The following CNTNAP5 variants were observed in gnomAD, a reference collection of about 807,000 sequenced individuals.
CNTNAP5 encodes the protein contactin associated protein family member 5, also known as contactin-associated protein-like 5.
In CNTNAP5, 72 loss-of-function variants were observed where a neutral mutation model predicts 150.2. The ratio of observed to expected loss-of-function variants is 0.48; its 90% CI spans 0.40 to 0.58. The LOEUF (loss-of-function observed/expected upper bound fraction) is 0.58. Ranked by LOEUF, CNTNAP5 falls within the 20% of genes least tolerant of loss-of-function variation. The pLI is 0.00. For missense variants in CNTNAP5, 1,636 were observed against 1,626.2 expected (o/e 1.01, Z -0.10); for synonymous variants, 672 against 619.8 (o/e 1.08, Z -1.25).
chr2:124,629,313 A>G (rs903102281), intron 12 of CNTNAP5, among the ~76,000 whole-genome samples: 7 of 152,220 alleles, frequency 4.6e-5, no homozygotes, highest in Non-Finnish European at 7.3e-5. Context: ...AACTGAAAGT[A>G]AAACACTCCT....
intron 19 of CNTNAP5, among the ~76,000 whole-genome samples, chr2:124,839,448 C>G (rs534792407): frequency 6.7e-6 from 1 of 149,122 alleles, no homozygotes; most frequent in African/African-American, 2.5e-5. Flanking sequence ...TCTCTCTCTC[C>G]CTTTCCCCCT....
chr2:124,732,913 A>G (rs1315258737), intron 13 of CNTNAP5, among the ~76,000 whole-genome samples: 2 of 152,196 alleles, frequency 1.3e-5, no homozygotes, highest in East Asian at 3.9e-4. Context: ...CACTTTGATT[A>G]AAAGACTCAG....
chr2:124,588,629 A>G (rs1323563373), intron 11 of CNTNAP5, among the ~76,000 whole-genome samples: 1 of 152,078 alleles, frequency 6.6e-6, no homozygotes, highest in Non-Finnish European at 1.5e-5. Context: ...TTAAATATAA[A>G]CCTTATTATT....
At chr2:124,152,335 A>G (rs1391465619) in intron 1 of CNTNAP5, among the ~76,000 whole-genome samples, 1 of 152,188 alleles carries the variant, frequency 6.6e-6, no homozygotes, top group Non-Finnish European at 1.5e-5. Flanking sequence ...TCCACGTCCC[A>G]TTGAATTTCT....
intron 1 of CNTNAP5, among the ~76,000 whole-genome samples, chr2:124,157,354 CT>C (rs1199522617): frequency 6.6e-6 from 1 of 152,142 alleles, no homozygotes; most frequent in East Asian, 1.9e-4. Flanking sequence ...AACACCTGTT[CT>C]TTTGGCATTG....
At chr2:124,408,239 AC>A (rs1217091255) in intron 3 of CNTNAP5, among the ~76,000 whole-genome samples, 11 of 152,176 alleles carry the variant, frequency 7.2e-5, no homozygotes, top group African/African-American at 2.7e-4. Flanking sequence ...TCCTACGCCC[AC>A]GGAGTCTCGC....
At chr2:124,082,924 G>T (rs1268137833) in intron 1 of CNTNAP5, among the ~76,000 whole-genome samples, 2 of 152,048 alleles carry the variant, frequency 1.3e-5, no homozygotes, top group Non-Finnish European at 2.9e-5. Context: ...GTGTTTATTT[G>T]CCATCTGAAT....
chr2:124,303,632 TA>T (rs1272436373), intron 3 of CNTNAP5, among the ~76,000 whole-genome samples: 2 of 152,190 alleles, frequency 1.3e-5, no homozygotes, highest in Non-Finnish European at 2.9e-5. Flanking sequence ...ATAGATTATC[TA>T]AAAGAGTAAA....
chr2:124,805,968 G>C (rs1171697623), intron 19 of CNTNAP5, among the ~76,000 whole-genome samples: 1 of 152,162 alleles, frequency 6.6e-6, no homozygotes, highest in Non-Finnish European at 1.5e-5. Context: ...TTTGTTAGAG[G>C]CCTCCTTTCC....
chr2:124,699,418 C>T (rs1455485920), intron 13 of CNTNAP5, among the ~76,000 whole-genome samples: 1 of 152,186 alleles, frequency 6.6e-6, no homozygotes, highest in African/African-American at 2.4e-5. Context: ...TCTCACCCTA[C>T]AGTCTACCCA....
chr2:124,325,790 T>C (rs1179666570), intron 3 of CNTNAP5, among the ~76,000 whole-genome samples: 3 of 152,162 alleles, frequency 2.0e-5, no homozygotes, highest in Non-Finnish European at 4.4e-5. Flanking sequence ...GATTGATAAA[T>C]AGGAATCTGT....
At chr2:124,467,517 T>G (rs1453838047) in intron 6 of CNTNAP5, among the ~76,000 whole-genome samples, 1 of 152,172 alleles carries the variant, frequency 6.6e-6, no homozygotes, top group Non-Finnish European at 1.5e-5. Flanking sequence ...AGATTTTAAT[T>G]TTTATTTTCA....
Position 124,865,444 on chromosome 2 carries a change from C to G in CNTNAP5, c.3348+8C>G. Reference sequence around the variant, plus strand: ...AGAGAGCTTACCATTCAGGTACCTTCCTTACTTTCTCCTGCTTCAGCCAAT... The same window carrying G: ...AGAGAGCTTACCATTCAGGTACCTTGCTTACTTTCTCCTGCTTCAGCCAAT... On this transcript the variant is annotated splice_region_variant and intron_variant, in intron 20 of 23. Coordinates refer to ENST00000682447, the MANE Select transcript of CNTNAP5 (RefSeq NM_001367498.1). 1 of 1,551,188 alleles carries G rather than the reference C, an allele frequency of 6.4e-7. No individual in the cohort carries two copies. Among genetic ancestry groups the G allele is most frequent in the Non-Finnish European group, 8.7e-7 (1 of 1,146,656 alleles).
rs148528254 is a variant in CNTNAP5 at position 124,834,281 on chromosome 2, A to C, written c.3218-31025A>C. On this transcript the variant is annotated intron_variant, in intron 19 of 23. Coordinates refer to ENST00000682447, the MANE Select transcript of CNTNAP5 (RefSeq NM_001367498.1). Reference sequence around the variant, plus strand: ...TCTAAAGCTGATGTCTAGTATCTTTAATAATAAAAAACCCTCTTTGCCCCA... The same window carrying C: ...TCTAAAGCTGATGTCTAGTATCTTTCATAATAAAAAACCCTCTTTGCCCCA... Among the ~76,000 whole-genome samples, 1,431 of 152,262 alleles carry C rather than the reference A, an allele frequency of 9.4e-3. 24 individuals carry two copies. The highest frequency in any genetic ancestry group is 0.033 in the African/African-American group (1,376 of 41,568).
At chr2:124,770,243 T>C (rs1681161168) in intron 16 of CNTNAP5, among the ~76,000 whole-genome samples, 1 of 152,136 alleles carries the variant, frequency 6.6e-6, no homozygotes, top group Non-Finnish European at 1.5e-5. Context: ...GTGCTGGGTA[T>C]ACGATAAATC....
At chr2:124,170,147 G>A (rs1304398018) in intron 1 of CNTNAP5, among the ~76,000 whole-genome samples, 2 of 152,140 alleles carry the variant, frequency 1.3e-5, no homozygotes, top group African/African-American at 4.8e-5. Context: ...GATGACACAG[G>A]ATCTGAGGAC....
intron 3 of CNTNAP5, among the ~76,000 whole-genome samples, chr2:124,259,834 G>C (rs1205399812): frequency 6.6e-6 from 1 of 152,104 alleles, no homozygotes; most frequent in Admixed American, 6.6e-5. Context: ...TCTTCAAGGA[G>C]AACTACAAAC....
intron 21 of CNTNAP5, among the ~76,000 whole-genome samples, chr2:124,876,684 G>A (rs1677867499): frequency 6.6e-6 from 1 of 151,908 alleles, no homozygotes; most frequent in Non-Finnish European, 1.5e-5. Flanking sequence ...TAAATGCATA[G>A]GCTTCTCAAA....
intron 19 of CNTNAP5, among the ~76,000 whole-genome samples, chr2:124,807,853 G>A (rs1217258110): frequency 1.3e-5 from 2 of 152,058 alleles, no homozygotes; most frequent in African/African-American, 2.4e-5. Flanking sequence ...GAGGGGCCAG[G>A]CAGAAATAAT....
Sources: allele counts gnomAD v4.1 joint callset (sites outside exome capture counted in the v4.1 genomes callset), GRCh38; gene constraint gnomAD v4.1.1; transcripts MANE v1.5; gene names NCBI Gene and HGNC (gene_info 2026-07-23, HGNC 2026-07-21).